Variants in SHISA9 observed in about 807,000 individuals in gnomAD.
The protein encoded by SHISA9 is protein shisa-9.
SHISA9 carries 13 observed loss-of-function variants against 38.0 expected under a neutral mutation model. That is an observed-to-expected ratio of 0.34 (90% confidence interval 0.22 to 0.54). The LOEUF (loss-of-function observed/expected upper bound fraction) is 0.54, where lower values mean the gene tolerates loss of function less well. SHISA9 is among the 20% of genes least tolerant of loss of function. The probability of loss-of-function intolerance (pLI) is 0.91; values close to 1 mark genes in which losing one functional copy is unlikely to be tolerated. For synonymous variants in SHISA9, 275 were observed against 242.0 expected, an observed-to-expected ratio of 1.14 and a Z score of -1.27; for missense variants, 538 against 575.8, an observed-to-expected ratio of 0.93 and a Z score of 0.67.
the SHISA9 span, among the ~76,000 whole-genome samples, chr16:13,256,339 T>G: frequency 2.0e-5 from 3 of 152,230 alleles, no homozygotes; most frequent in African/African-American, 7.2e-5. Context: ...TGGAGTGCAA[T>G]GGTGCCACCT....
chr16:13,140,118 T>C (rs1442573663), intron 2 of SHISA9, among the ~76,000 whole-genome samples: 1 of 38,698 alleles, frequency 2.6e-5, no homozygotes, highest in Non-Finnish European at 5.4e-5. Flanking sequence ...TCCCTTCCCT[T>C]CCCTTCCCTT....
chr16:13,218,195 G>A (rs2051189776), intron 4 of SHISA9, among the ~76,000 whole-genome samples: 1 of 152,158 alleles, frequency 6.6e-6, no homozygotes, highest in Non-Finnish European at 1.5e-5. Context: ...CCTCAAAGAG[G>A]GGCTTGAGGA....
chr16:13,467,786 G>A, the SHISA9 span, among the ~76,000 whole-genome samples: 3 of 152,152 alleles, frequency 2.0e-5, no homozygotes, highest in Non-Finnish European at 4.4e-5. Flanking sequence ...AGGATCTTGG[G>A]CCACCAGCCA....
the SHISA9 span, among the ~76,000 whole-genome samples, chr16:13,286,170 T>A: frequency 6.6e-6 from 1 of 152,152 alleles, no homozygotes; most frequent in Admixed American, 6.5e-5. Context: ...GCAATATTCA[T>A]CTTACATCTA....
chr16:12,976,237 G>A (rs1052224884), intron 2 of SHISA9, among the ~76,000 whole-genome samples: 5 of 152,018 alleles, frequency 3.3e-5, no homozygotes, highest in Admixed American at 6.6e-5. Context: ...ACAGGTGTGC[G>A]CCACCACACT....
chr16:13,343,917 G>A, the SHISA9 span, among the ~76,000 whole-genome samples: 2 of 152,054 alleles, frequency 1.3e-5, no homozygotes, highest in African/African-American at 2.4e-5. Flanking sequence ...AAAACACGGT[G>A]GATTAACAAG....
At chr16:13,361,852 T>G in the SHISA9 span, among the ~76,000 whole-genome samples, 2 of 152,224 alleles carry the variant, frequency 1.3e-5, no homozygotes, top group South Asian at 4.1e-4. Context: ...GAACAAGCCT[T>G]CATATAACTA....
the SHISA9 span, among the ~76,000 whole-genome samples, chr16:13,357,404 A>G: frequency 6.6e-6 from 1 of 152,192 alleles, no homozygotes; most frequent in African/African-American, 2.4e-5. Context: ...AGGTTGGAGA[A>G]GAGAGTAAAA....
At chr16:13,077,998 A>G (rs1852234417) in intron 2 of SHISA9, among the ~76,000 whole-genome samples, 1 of 152,248 alleles carries the variant, frequency 6.6e-6, no homozygotes, top group Admixed American at 6.5e-5. Flanking sequence ...CTCAAGCAAT[A>G]GAAATCCCAG....
chr16:12,973,125 C>T (rs1449342913), intron 2 of SHISA9, among the ~76,000 whole-genome samples: 1 of 152,080 alleles, frequency 6.6e-6, no homozygotes, highest in Non-Finnish European at 1.5e-5. Context: ...CACCCCTCCG[C>T]TCCCCCCACA....
the SHISA9 span, among the ~76,000 whole-genome samples, chr16:13,449,323 T>C: frequency 6.6e-6 from 1 of 152,242 alleles, no homozygotes; most frequent in Non-Finnish European, 1.5e-5. Context: ...ACTTATTCTC[T>C]TCTATCTTTT....
intron 2 of SHISA9, among the ~76,000 whole-genome samples, chr16:12,934,503 A>G (rs1052855120): frequency 1.3e-5 from 2 of 152,210 alleles, no homozygotes; most frequent in African/African-American, 2.4e-5. Context: ...TTATGTAACA[A>G]CTATTGATAT....
chr16:13,351,541 C>T, the SHISA9 span, among the ~76,000 whole-genome samples: 1 of 152,108 alleles, frequency 6.6e-6, no homozygotes, highest in African/African-American at 2.4e-5. Context: ...CCCCACCCCA[C>T]CCCTGCCATC....
chr16:13,462,760 G>A, the SHISA9 span, among the ~76,000 whole-genome samples: 18 of 152,136 alleles, frequency 1.2e-4, no homozygotes, highest in African/African-American at 3.1e-4. Context: ...TCAGAAGTTC[G>A]AGACCAGCCT....
chr16:13,226,825 A>G (rs2051284158), intron 4 of SHISA9, among the ~76,000 whole-genome samples: 1 of 152,178 alleles, frequency 6.6e-6, no homozygotes, highest in Non-Finnish European at 1.5e-5. Context: ...CTCATCCTCC[A>G]GGAGTCTAGG....
At chr16:13,008,813 A>C (rs756572772) in intron 2 of SHISA9, among the ~76,000 whole-genome samples, 4 of 152,032 alleles carry the variant, frequency 2.6e-5, no homozygotes, top group Non-Finnish European at 4.4e-5. Flanking sequence ...TTTTCTTCAT[A>C]AATTACCCAG....
chr16:13,524,816 C>T, the SHISA9 span, among the ~76,000 whole-genome samples: 1 of 151,950 alleles, frequency 6.6e-6, no homozygotes. Flanking sequence ...ATTCTCCTAC[C>T]TTGGCCTCCC....
At chr16:13,219,644 T>C (rs2051203002) in intron 4 of SHISA9, among the ~76,000 whole-genome samples, 1 of 152,158 alleles carries the variant, frequency 6.6e-6, no homozygotes, top group African/African-American at 2.4e-5. Context: ...AAATGGAGAA[T>C]GCCTGGGGCA....
At chr16:12,907,932 G>C (rs2071124817) in intron 1 of SHISA9, among the ~76,000 whole-genome samples, 1 of 152,178 alleles carries the variant, frequency 6.6e-6, no homozygotes, top group Non-Finnish European at 1.5e-5. Flanking sequence ...GTTAACTGCA[G>C]CCTCTAGAGA....
Sources: gnomAD v4.1 joint callset for allele counts (sites outside exome capture counted in the v4.1 genomes callset) on GRCh38, gnomAD v4.1.1 for gene constraint, MANE v1.5 for transcripts, NCBI Gene and HGNC (gene_info 2026-07-23, HGNC 2026-07-21) for gene names.